Variants in PTPA observed in about 807,000 individuals in gnomAD.
PTPA encodes serine/threonine-protein phosphatase 2A activator.
In PTPA, 13 loss-of-function variants were observed where a neutral mutation model predicts 43.6. The ratio of observed to expected loss-of-function variants is 0.30; its 90% CI spans 0.19 to 0.47. The LOEUF is 0.47. Ranked by LOEUF, PTPA falls within the 20% of genes least tolerant of loss-of-function variation. The probability of loss-of-function intolerance (pLI) is 0.99; values close to 1 mark genes in which losing one functional copy is unlikely to be tolerated. For synonymous variants in PTPA, 172 were observed against 158.2 expected, an observed-to-expected ratio of 1.09 and a Z score of -0.66; for missense variants, 329 against 411.9, an observed-to-expected ratio of 0.80 and a Z score of 1.74.
intron 4 of PTPA, among the ~76,000 whole-genome samples, chr9:129,130,393 TTA>T (rs1411172968): frequency 6.6e-6 from 1 of 151,650 alleles, no homozygotes; most frequent in Non-Finnish European, 1.5e-5. Context: ...CTCTGGACTC[TTA>T]AGATGGTACA....
At position 129,148,665 on chromosome 9, in the gene PTPA, C is replaced by T. The variant is rs2131644921; in HGVS notation, c.*1201C>T. 6.5e-6 allele frequency: 1 copy of T among 153,070 alleles called. No homozygotes were observed. The highest frequency in any genetic ancestry group is 2.1e-4 in the South Asian group (1 of 4,832). The allele number at this position is 153,070 out of a possible 1,614,324, so 9.5% of individuals were successfully genotyped here. ...TTACAGGCTCGTCCCCCAGGCCTGC[C>T]CTTCTCCACTGCCCCCTCCTGTGTC... On this transcript the variant is annotated 3_prime_UTR_variant, in exon 10 of 10. Coordinates refer to ENST00000393370, the MANE Select transcript of PTPA (RefSeq NM_178000.3).
intron 3 of PTPA, among the ~76,000 whole-genome samples, chr9:129,125,081 AAG>A: frequency 6.6e-6 from 1 of 152,184 alleles, no homozygotes; most frequent in East Asian, 1.9e-4. Flanking sequence ...TGGCTGGGGA[AAG>A]AGGGGGTTCC....
chr9:129,119,197 C>T, intron 1 of PTPA: 1 of 158,168 alleles, frequency 6.3e-6, no homozygotes, highest in Admixed American at 6.5e-5. Context: ...TGGCGTTTTG[C>T]CAAGTTGGCC....
At chr9:129,123,405 G>C (rs906002249) in intron 3 of PTPA, among the ~76,000 whole-genome samples, 1 of 151,672 alleles carries the variant, frequency 6.6e-6, no homozygotes, top group African/African-American at 2.4e-5. Context: ...CCAGGAGGCA[G>C]AGCTTGCAGT....
At chr9:129,143,580 C>T (rs1276772642) in intron 9 of PTPA, 5 of 633,422 alleles carry the variant, frequency 7.9e-6, no homozygotes, top group East Asian at 5.5e-5. Flanking sequence ...TTCCAGTTGG[C>T]TTGGCTCCCT....
intron 1 of PTPA, among the ~76,000 whole-genome samples, chr9:129,113,931 A>T (rs1182595212): frequency 6.6e-6 from 1 of 152,240 alleles, no homozygotes; most frequent in Non-Finnish European, 1.5e-5. Context: ...AGCTGTGCTC[A>T]GGGAGGTTAT....
In PTPA at chr9:129,138,668, C is replaced by T. The variant is rs575828057; in HGVS notation, c.786+976C>T. ...CTAGCAGGCCTGTGGATGCTGGCCA[C>T]GGGGGCTGCTCTCCGTCCGGGCTGT... On this transcript the variant is annotated intron_variant, in intron 8 of 9. Coordinates refer to ENST00000393370, the MANE Select transcript of PTPA (RefSeq NM_178000.3). Among the ~76,000 whole-genome samples, 11 of 152,300 alleles carry T rather than the reference C, an allele frequency of 7.2e-5. No homozygotes were observed. The East Asian group carries it at 2.1e-3, about 29-fold the overall frequency.
chr9:129,114,675 G>C (rs1287692785), intron 1 of PTPA, among the ~76,000 whole-genome samples: 1 of 152,126 alleles, frequency 6.6e-6, no homozygotes, highest in Non-Finnish European at 1.5e-5. Flanking sequence ...AGTCTTTGTT[G>C]GGGGGCTTAG....
chr9:129,132,649 AT>A (rs36034585), intron 5 of PTPA, among the ~76,000 whole-genome samples: 36,814 of 151,950 alleles, frequency 0.24, 4,853 homozygotes, highest in Admixed American at 0.31. Context: ...TACCTGGCTA[AT>A]TTTAGTGTTT....
chr9:129,142,304 C>T (rs1850921011), intron 8 of PTPA, 141 bp from the exon 9 acceptor site: 1 of 727,700 alleles, frequency 1.4e-6, no homozygotes, highest in South Asian at 2.3e-5. Flanking sequence ...GCTTGGTCCC[C>T]AAGTGTCTGC....
chr9:129,134,270 C>G (rs1345048814), intron 5 of PTPA, among the ~76,000 whole-genome samples: 4 of 141,500 alleles, frequency 2.8e-5, no homozygotes, highest in African/African-American at 1.1e-4. Context: ...GGGTCTTTTA[C>G]GAGTGGAATT....
In PTPA at chr9:129,142,338, T is replaced by TGTG. The variant is rs1564202369; in HGVS notation, c.787-107_787-106insGTG. 4.7e-5 allele frequency: 37 copies of TGTG among 794,804 alleles called. No individual in the cohort carries two copies. The African/African-American group carries it at 4.8e-4, about 10-fold the overall frequency. 49.2% of individuals were successfully genotyped at this position (794,804 alleles called of 1,614,324 possible). On this transcript the variant is annotated intron_variant, in intron 8 of 9. Coordinates refer to ENST00000393370, the MANE Select transcript of PTPA (RefSeq NM_178000.3). ...GCGCGTGCATTGTGTGCGTGTGCGTTTGTGTGTGTGTGTGTGTGCATGCAT... is the reference window on the plus strand; with the variant it reads ...GCGCGTGCATTGTGTGCGTGTGCGTTGTGTGTGTGTGTGTGTGTGTGCATGCAT...
At chr9:129,113,367 G>A (rs1348345275) in intron 1 of PTPA, among the ~76,000 whole-genome samples, 1 of 151,580 alleles carries the variant, frequency 6.6e-6, no homozygotes, top group East Asian at 2.0e-4. Flanking sequence ...TGGGATTACA[G>A]GCATGAGCCA....
intron 9 of PTPA, among the ~76,000 whole-genome samples, chr9:129,147,030 T>C (rs371316892): frequency 5.3e-5 from 8 of 152,322 alleles, no homozygotes; most frequent in African/African-American, 1.9e-4. Context: ...CCCACGTCTC[T>C]TCTCTAGAAC....
chr9:129,129,714 C>T (rs1342246381), intron 4 of PTPA, among the ~76,000 whole-genome samples: 1 of 152,126 alleles, frequency 6.6e-6, no homozygotes, highest in African/African-American at 2.4e-5. Context: ...TGTGATCCGC[C>T]CATCTCGGCC....
chr9:129,118,712 G>A (rs114156962), intron 1 of PTPA, among the ~76,000 whole-genome samples: 5 of 150,590 alleles, frequency 3.3e-5, no homozygotes, highest in East Asian at 2.0e-4. Flanking sequence ...ATGGGGTCTC[G>A]CTGTGTTGCC....
chr9:129,129,257 C>A, intron 4 of PTPA, 147 bp downstream of exon 4: 1 of 1,194,786 alleles, frequency 8.4e-7, no homozygotes, highest in Non-Finnish European at 1.1e-6. Flanking sequence ...AGCAAAATTA[C>A]AAATGAGTTT....
At chr9:129,130,816 G>A (rs1366392676) in intron 4 of PTPA, among the ~76,000 whole-genome samples, 2 of 152,138 alleles carry the variant, frequency 1.3e-5, no homozygotes, top group East Asian at 3.8e-4. Context: ...CTCATGTCAA[G>A]CAATAGAACA....
At position 129,125,641 on chromosome 9, in the gene PTPA, A is replaced by T. The variant is rs1849529069; in HGVS notation, c.216+2503A>T. Reference sequence around the variant, plus strand: ...CAGCTGGCTAGTTTCATAACTTGTGAATCATTTTTGACCCTCTGTTTCCTC... The same window carrying T: ...CAGCTGGCTAGTTTCATAACTTGTGTATCATTTTTGACCCTCTGTTTCCTC... On this transcript the variant is annotated intron_variant, in intron 3 of 9. Coordinates refer to ENST00000393370, the MANE Select transcript of PTPA (RefSeq NM_178000.3). 3.3e-5 allele frequency among the ~76,000 whole-genome samples: 5 copies of T among 152,222 alleles called. No individual in the cohort carries two copies. In the South Asian group the frequency reaches 1.0e-3, roughly 32 times the overall value.
Sources: gnomAD v4.1 joint callset for allele counts (sites outside exome capture counted in the v4.1 genomes callset) on GRCh38, gnomAD v4.1.1 for gene constraint, MANE v1.5 for transcripts, NCBI Gene and HGNC (gene_info 2026-07-23, HGNC 2026-07-21) for gene names.